Variants in CNTN5 observed in about 807,000 individuals in gnomAD.
CNTN5 encodes the protein contactin 5, also known as contactin-5.
Under a neutral mutation model 129.1 loss-of-function variants are expected in CNTN5, and 77 were observed. The observed-to-expected ratio is 0.60, with a 90% confidence interval of 0.50 to 0.72. The LOEUF (loss-of-function observed/expected upper bound fraction) is 0.72, where lower values mean the gene tolerates loss of function less well. CNTN5 is among the 30% of genes least tolerant of loss of function. The probability of loss-of-function intolerance (pLI) is 0.00; values close to 1 mark genes in which losing one functional copy is unlikely to be tolerated. For synonymous variants in CNTN5, 509 were observed against 465.6 expected, an observed-to-expected ratio of 1.09 and a Z score of -1.20; for missense variants, 1,478 against 1,328.8, an observed-to-expected ratio of 1.11 and a Z score of -1.75.
intron 13 of CNTN5, among the ~76,000 whole-genome samples, chr11:100,171,533 G>A (rs1166809981): frequency 6.6e-6 from 1 of 152,022 alleles, no homozygotes; most frequent in East Asian, 1.9e-4. Flanking sequence ...TCAGTTCAGA[G>A]CACTGTGAAG....
intron 1 of CNTN5, among the ~76,000 whole-genome samples, chr11:99,153,975 T>C (rs1278450872): frequency 6.6e-6 from 1 of 152,274 alleles, no homozygotes; most frequent in South Asian, 2.1e-4. Context: ...GGTAATGTGC[T>C]CTTGGCTTTG....
chr11:100,206,401 A>C (rs902224363), intron 15 of CNTN5, among the ~76,000 whole-genome samples: 1 of 152,136 alleles, frequency 6.6e-6, no homozygotes. Flanking sequence ...CAAATTCCCT[A>C]TGAGAGTTAA....
chr11:99,942,223 T>G (rs1477509042), intron 7 of CNTN5, among the ~76,000 whole-genome samples: 1 of 152,008 alleles, frequency 6.6e-6, no homozygotes. Flanking sequence ...ACAGAGTTCC[T>G]GCTCTAGATG....
intron 2 of CNTN5, among the ~76,000 whole-genome samples, chr11:99,546,556 C>A (rs560727894): frequency 2.1e-4 from 32 of 152,136 alleles, no homozygotes; most frequent in African/African-American, 7.7e-4. Context: ...AAAGTCTCCT[C>A]CTCACATTTG....
chr11:100,033,285 G>T (rs1329414347), intron 9 of CNTN5, among the ~76,000 whole-genome samples: 5 of 152,230 alleles, frequency 3.3e-5, no homozygotes, highest in African/African-American at 1.2e-4. Context: ...TGAGAGTGAG[G>T]CAGGAAATAA....
At chr11:99,814,604 G>A (rs766351226) in intron 3 of CNTN5, among the ~76,000 whole-genome samples, 10 of 152,254 alleles carry the variant, frequency 6.6e-5, no homozygotes, top group Non-Finnish European at 1.3e-4. Flanking sequence ...GTGAAGAGCA[G>A]TGTGCCTGAA....
At position 100,337,067 on chromosome 11, in the gene CNTN5, C is replaced by T. The variant is rs980965659; in HGVS notation, c.2731-3396C>T. The T allele has an allele frequency of 5.5e-6, 7 of 1,264,864 alleles. 1 individual carries two copies. Among genetic ancestry groups the T allele is most frequent in the Admixed American group, 3.4e-5 (2 of 59,180 alleles). The allele number at this position is 1,264,864 out of a possible 1,614,324, so 78.4% of individuals were successfully genotyped here. On this transcript the variant is annotated intron_variant, in intron 21 of 24. Coordinates refer to ENST00000524871, the MANE Select transcript of CNTN5 (RefSeq NM_014361.4). ...TTCAAAATTGGCAATGCTGAGATTT[C>T]ACAAATCACTCTTGTAGGGATCATC...
At chr11:99,373,114 C>T (rs976710936) in intron 2 of CNTN5, among the ~76,000 whole-genome samples, 1 of 152,054 alleles carries the variant, frequency 6.6e-6, no homozygotes, top group East Asian at 1.9e-4. Flanking sequence ...GAGGGTGAGG[C>T]AGGAGAACTG....
chr11:99,956,566 T>C (rs1950807632), intron 7 of CNTN5, among the ~76,000 whole-genome samples: 1 of 152,164 alleles, frequency 6.6e-6, no homozygotes, highest in Non-Finnish European at 1.5e-5. Context: ...TCAGTACACA[T>C]TGGAATTGAA....
In CNTN5 at chr11:100,319,338, G is replaced by A. The variant is rs113444454; in HGVS notation, c.2730+10870G>A. On this transcript the variant is annotated intron_variant, in intron 21 of 24. Coordinates refer to ENST00000524871, the MANE Select transcript of CNTN5 (RefSeq NM_014361.4). ...CAGGTGATTTTTGTATTTTTAGTAG[G>A]GATCGGGTTTCACCATGTTGCCCAG... is the stretch of plus-strand genomic sequence containing the variant. 5.7e-3 allele frequency among the ~76,000 whole-genome samples: 867 copies of A among 151,660 alleles called. 16 individuals carry two copies. Among genetic ancestry groups the A allele is most frequent in the African/African-American group, 0.02 (809 of 41,386 alleles).
At chr11:99,713,544 A>C (rs1360009414) in intron 3 of CNTN5, among the ~76,000 whole-genome samples, 1 of 151,818 alleles carries the variant, frequency 6.6e-6, no homozygotes, top group East Asian at 1.9e-4. Context: ...TCCTCTATGC[A>C]AGATGCTGGG....
At chr11:100,100,253 T>TCTGGATTAG (rs1945173767) in intron 13 of CNTN5, among the ~76,000 whole-genome samples, 4 of 152,130 alleles carry the variant, frequency 2.6e-5, no homozygotes, top group Non-Finnish European at 4.4e-5. Context: ...TGTATGTCAT[T>TCTGGATTAG]TTTATACCCA....
chr11:99,362,548 T>C (rs1185591085), intron 2 of CNTN5, among the ~76,000 whole-genome samples: 2 of 151,978 alleles, frequency 1.3e-5, no homozygotes, highest in African/African-American at 4.8e-5. Flanking sequence ...TGAAAAATAA[T>C]TGACAAACCC....
intron 23 of CNTN5, among the ~76,000 whole-genome samples, chr11:100,346,463 A>T (rs1952282601): frequency 6.6e-6 from 1 of 152,124 alleles, no homozygotes; most frequent in Admixed American, 6.6e-5. Context: ...AGTGAAAGGG[A>T]AAATAAAACT....
chr11:100,115,559 G>A (rs1486596278), intron 13 of CNTN5, among the ~76,000 whole-genome samples: 1 of 151,960 alleles, frequency 6.6e-6, no homozygotes, highest in Non-Finnish European at 1.5e-5. Context: ...CCAGCAGAAT[G>A]TAAATGTAAC....
At chr11:100,186,124 C>T (rs1948295117) in intron 13 of CNTN5, among the ~76,000 whole-genome samples, 1 of 152,110 alleles carries the variant, frequency 6.6e-6, no homozygotes, top group Non-Finnish European at 1.5e-5. Context: ...CTTTGGGAGG[C>T]CAAGACAGGT....
At position 100,273,949 on chromosome 11, in the gene CNTN5, A is replaced by G. The variant is rs1950455133; in HGVS notation, c.2314+2708A>G. On this transcript the variant is annotated intron_variant, in intron 18 of 24. Transcript: ENST00000524871. The stretch of plus-strand genomic sequence containing the variant: ...AGCAAAAAGAAGAAAGCTGGAGGCA[A>G]CATGTTACCCAACTTCAAACTATAC... Among the ~76,000 whole-genome samples the G allele has an allele frequency of 3.3e-5, 5 of 152,182 alleles. No individual in the cohort carries two copies. The South Asian group carries it at 1.0e-3, about 32-fold the overall frequency.
chr11:99,345,309 T>A (rs1235280877), intron 2 of CNTN5, among the ~76,000 whole-genome samples: 1 of 152,188 alleles, frequency 6.6e-6, no homozygotes, highest in Non-Finnish European at 1.5e-5. Context: ...GGATATAATC[T>A]TTTTAGTGAC....
intron 8 of CNTN5, among the ~76,000 whole-genome samples, chr11:99,968,413 G>A (rs1439570209): frequency 1.3e-5 from 2 of 152,062 alleles, no homozygotes; most frequent in Non-Finnish European, 2.9e-5. Context: ...GAGAATGTAT[G>A]TGTAGATAAC....
Sources: allele counts gnomAD v4.1 joint callset (sites outside exome capture counted in the v4.1 genomes callset), GRCh38; gene constraint gnomAD v4.1.1; transcripts MANE v1.5; gene names NCBI Gene and HGNC (gene_info 2026-07-23, HGNC 2026-07-21).